The following HPS5 variants were observed in gnomAD, a reference collection of about 807,000 sequenced individuals.
The protein encoded by HPS5 is HPS5 biogenesis of lysosomal organelles complex 2 subunit 2.
A neutral mutation model predicts 128.0 loss-of-function variants in HPS5; 83 were observed. That is an observed-to-expected ratio of 0.65 (90% CI 0.54 to 0.78). HPS5 has a LOEUF of 0.78. HPS5 is among the 30% of genes least tolerant of loss of function. The pLI is 0.00. For synonymous variants in HPS5, 475 were observed against 470.2 expected, an observed-to-expected ratio of 1.01 and a Z score of -0.13; for missense variants, 1,281 against 1,326.2, an observed-to-expected ratio of 0.97 and a Z score of 0.53.
intron 2 of HPS5, among the ~76,000 whole-genome samples, chr11:18,315,435 A>C (rs573789478): frequency 6.6e-6 from 1 of 152,262 alleles, no homozygotes; most frequent in South Asian, 2.1e-4. Flanking sequence ...CAACATGGTG[A>C]AACTCTGTCT....
At chr11:18,287,294 A>G (rs1240475399) in intron 18 of HPS5, among the ~76,000 whole-genome samples, 1 of 152,188 alleles carries the variant, frequency 6.6e-6, no homozygotes, top group Admixed American at 6.5e-5. Flanking sequence ...GAATCAAGGG[A>G]TTAATTTTGC....
Position 18,297,685 on chromosome 11 carries a change from C to T in HPS5, c.1197G>A (p.Glu399=), listed in dbSNP as rs756056729. 6.2e-7 allele frequency: 1 copy of T among 1,614,072 alleles called. No individual in the cohort carries two copies. Among genetic ancestry groups the T allele is most frequent in the Non-Finnish European group, 8.5e-7 (1 of 1,179,914 alleles). The change falls in exon 11 of 23, where the codon GAG becomes GAA. Residue 399 remains glutamate, a synonymous_variant. Transcript: ENST00000349215. The part of the protein sequence containing the change: ...ARKTLTADKL[E]HLKSQLDHGT... The stretch of plus-strand genomic sequence containing the variant: ...CATGGTCCAGCTGAGATTTCAAATG[C>T]TCCAATTTATCTGCAGTCAAAGTTT...
At chr11:18,311,308 G>T in intron 4 of HPS5, 79 bp downstream of exon 4, 1 of 1,031,198 alleles carries the variant, frequency 9.7e-7, no homozygotes, top group Non-Finnish European at 1.5e-6. Context: ...AACCAGGATG[G>T]TTGGTCACCC....
At chr11:18,304,114 A>G (rs1157986338) in intron 8 of HPS5, among the ~76,000 whole-genome samples, 1 of 152,172 alleles carries the variant, frequency 6.6e-6, no homozygotes, top group African/African-American at 2.4e-5. Context: ...AAGAGTTTTT[A>G]ATATGCTTTA....
At chr11:18,299,493 GA>G (rs1861458689) in intron 9 of HPS5, among the ~76,000 whole-genome samples, 1 of 152,188 alleles carries the variant, frequency 6.6e-6, no homozygotes, top group Non-Finnish European at 1.5e-5. Flanking sequence ...AGTAAGTAAT[GA>G]TTTCTTTCTC....
chr11:18,309,179 A>T (rs1346053592), intron 5 of HPS5, 100 bp from the exon 6 acceptor site: 1 of 1,236,934 alleles, frequency 8.1e-7, no homozygotes, highest in African/African-American at 1.5e-5. Context: ...TTGAATAGCA[A>T]AATAAAATTT....
intron 20 of HPS5, 63 bp from the exon 21 acceptor site, chr11:18,283,964 G>A: frequency 9.5e-7 from 1 of 1,053,246 alleles, no homozygotes. Flanking sequence ...GAGCTGTGCT[G>A]CCCAAAACAG....
rs759947657 is a variant in HPS5 at position 18,296,998 on chromosome 11, G to T, written c.1324-14C>A. 18 of 1,329,428 alleles carry T rather than the reference G, an allele frequency of 1.4e-5. No homozygotes were observed. The highest frequency in any genetic ancestry group is 5.1e-5 in the African/African-American group (3 of 58,402). 82.4% of individuals were successfully genotyped at this position (1,329,428 alleles called of 1,614,324 possible). ...GCTGAAACTTTCCTAAAAATTAAAAGAATTCAAAAAAAAAAAAAGGTAAAA... is the reference window on the plus strand; with the variant it reads ...GCTGAAACTTTCCTAAAAATTAAAATAATTCAAAAAAAAAAAAAGGTAAAA... On this transcript the variant is annotated splice_polypyrimidine_tract_variant and intron_variant, in intron 11 of 22. Coordinates refer to ENST00000349215, the MANE Select transcript of HPS5 (RefSeq NM_181507.2).
At chr11:18,309,660 T>C (rs1354593584) in intron 5 of HPS5, among the ~76,000 whole-genome samples, 1 of 152,248 alleles carries the variant, frequency 6.6e-6, no homozygotes, top group Non-Finnish European at 1.5e-5. Flanking sequence ...TGATAGGTCA[T>C]GACGGCAAAC....
In HPS5 at chr11:18,305,499, A is replaced by G. The variant is rs776157681; in HGVS notation, c.825-6T>C. 2 of 1,582,336 alleles carry G rather than the reference A, an allele frequency of 1.3e-6. No individual in the cohort carries two copies. The highest frequency in any genetic ancestry group is 4.5e-5 in the East Asian group (2 of 44,636). ...GATCATACTGAGGTTCTGATCTAGA[A>G]AGTAAACACATCTGTTAATGAGTTT... On this transcript the variant is annotated splice_region_variant and splice_polypyrimidine_tract_variant and intron_variant, in intron 7 of 22. Coordinates refer to ENST00000349215, the MANE Select transcript of HPS5 (RefSeq NM_181507.2).
intron 19 of HPS5, 25 bp downstream of exon 19, chr11:18,286,562 AAAAC>A: frequency 1.9e-6 from 3 of 1,611,754 alleles, no homozygotes; most frequent in Non-Finnish European, 2.5e-6. Context: ...AGTAAAGAAA[AAAAC>A]AAAGAAAGAG....
chr11:18,296,581 C>T, intron 12 of HPS5: 1 of 645,672 alleles, frequency 1.5e-6, no homozygotes, highest in Non-Finnish European at 2.8e-6. Context: ...CAAAAACAGG[C>T]CCTAATGTTA....
chr11:18,315,645 A>G (rs1328051512), intron 2 of HPS5, among the ~76,000 whole-genome samples: 1 of 152,020 alleles, frequency 6.6e-6, no homozygotes, highest in Non-Finnish European at 1.5e-5. Flanking sequence ...AGAAAGAAAG[A>G]AAAAGAAAGC....
chr11:18,307,506 G>A (rs1862505861), intron 6 of HPS5, among the ~76,000 whole-genome samples: 1 of 151,762 alleles, frequency 6.6e-6, no homozygotes, highest in Non-Finnish European at 1.5e-5. Context: ...ACAGTGCTAA[G>A]GAGCTGGAGG....
At chr11:18,296,746 C>T in intron 12 of HPS5, 52 bp downstream of exon 12, 10 of 1,492,522 alleles carry the variant, frequency 6.7e-6, no homozygotes, top group East Asian at 2.3e-5. Context: ...AACAGGAGCT[C>T]GTGGAAAATA....
At chr11:18,315,906 T>C (rs967062111) in intron 2 of HPS5, among the ~76,000 whole-genome samples, 5 of 152,172 alleles carry the variant, frequency 3.3e-5, no homozygotes, top group African/African-American at 9.7e-5. Flanking sequence ...TCCATAATGA[T>C]TTATTGCCAC....
intron 1 of HPS5, among the ~76,000 whole-genome samples, chr11:18,318,805 T>C (rs1590159620): frequency 6.6e-6 from 1 of 152,234 alleles, no homozygotes; most frequent in Non-Finnish European, 1.5e-5. Context: ...TTGACTTTTT[T>C]TCCAGAAACA....
chr11:18,310,419 A>T (rs1862835021), intron 5 of HPS5, among the ~76,000 whole-genome samples: 1 of 152,174 alleles, frequency 6.6e-6, no homozygotes, highest in South Asian at 2.1e-4. Flanking sequence ...TCACACCAAT[A>T]ATAAATAGAT....
intron 22 of HPS5, among the ~76,000 whole-genome samples, chr11:18,281,082 A>AT (rs35143344): frequency 0.053 from 7,512 of 140,738 alleles, 424 homozygotes; most frequent in East Asian, 0.34. Context: ...GGTACCAGTA[A>AT]TTTTTTTTTT....
Sources: allele counts gnomAD v4.1 joint callset (sites outside exome capture counted in the v4.1 genomes callset), GRCh38; gene constraint gnomAD v4.1.1; transcripts MANE v1.5; gene names NCBI Gene and HGNC (gene_info 2026-07-23, HGNC 2026-07-21).